PLCXD3: variants seen among roughly 807,000 people sequenced by gnomAD.
PLCXD3 encodes the protein phosphatidylinositol specific phospholipase C X domain containing 3, also known as PI-PLC X domain-containing protein 3.
In PLCXD3, 19 loss-of-function variants were observed where a neutral mutation model predicts 25.5. That is an observed-to-expected ratio of 0.75 (90% CI 0.52 to 1.09). The LOEUF is 1.09. Ranked by LOEUF, PLCXD3 falls within the 50% of genes least tolerant of loss-of-function variation. PLCXD3 has a pLI of 0.00. For synonymous variants in PLCXD3, 174 were observed against 137.6 expected, an observed-to-expected ratio of 1.26 and a Z score of -1.85; for missense variants, 411 against 388.1, an observed-to-expected ratio of 1.06 and a Z score of -0.50.
chr5:41,364,715 G>A (rs1349759840), intron 2 of PLCXD3, among the ~76,000 whole-genome samples: 1 of 152,138 alleles, frequency 6.6e-6, no homozygotes, highest in African/African-American at 2.4e-5. Context: ...AAGAGAAAAA[G>A]CAGTGCAAAG....
intron 1 of PLCXD3, among the ~76,000 whole-genome samples, chr5:41,383,036 C>T (rs965270703): frequency 6.6e-6 from 1 of 151,940 alleles, no homozygotes; most frequent in Non-Finnish European, 1.5e-5. Context: ...TCGGAAGGCA[C>T]AAGAGGTCAA....
At chr5:41,497,692 A>G (rs1748870680) in intron 1 of PLCXD3, among the ~76,000 whole-genome samples, 1 of 151,890 alleles carries the variant, frequency 6.6e-6, no homozygotes, top group African/African-American at 2.4e-5. Flanking sequence ...TAACAAACAT[A>G]TACAGAACAT....
intron 1 of PLCXD3, among the ~76,000 whole-genome samples, chr5:41,422,925 C>CTAGGTTAGGTAGTTGATAGATATACTTTA (rs1192355689): frequency 5.3e-5 from 8 of 151,972 alleles, no homozygotes; most frequent in Non-Finnish European, 1.2e-4. Flanking sequence ...AAATAGAATA[C>CTAGGTTAGGTAGTTGATAGATATACTTTA]TAGGTTAGGT....
rs373244601 is a variant in PLCXD3, at chr5:41,428,374, G to GTTTTTTTTTTTT, written c.104-45841_104-45840insAAAAAAAAAAAA. ...TAAAGAGGTGATTAAGTTAAAATGA[G>GTTTTTTTTTTTT]TTTTTTTGTTTTTGTTTTTGTTTTT... On this transcript the variant is annotated intron_variant, in intron 1 of 2. Transcript: ENST00000377801. Among the ~76,000 whole-genome samples, 5 of 91,596 alleles carry GTTTTTTTTTTTT rather than the reference G, an allele frequency of 5.5e-5. 1 individual carries two copies. Among genetic ancestry groups the GTTTTTTTTTTTT allele is most frequent in the Non-Finnish European group, 4.6e-5 (2 of 43,082 alleles). 60.1% of individuals were successfully genotyped at this position (91,596 alleles called of 152,430 possible). A position where few individuals can be genotyped will look rare whatever the true frequency, so the allele number is the denominator to read the frequency against.
chr5:41,507,398 C>A (rs931831859), intron 1 of PLCXD3, among the ~76,000 whole-genome samples: 1 of 152,146 alleles, frequency 6.6e-6, no homozygotes, highest in Non-Finnish European at 1.5e-5. Flanking sequence ...TGTGTCATTT[C>A]TTTAAAAAAT....
intron 2 of PLCXD3, among the ~76,000 whole-genome samples, chr5:41,334,981 C>A (rs1471863391): frequency 6.6e-6 from 1 of 152,084 alleles, no homozygotes; most frequent in Non-Finnish European, 1.5e-5. Flanking sequence ...ACAAAGAGAC[C>A]CTTCTGTATG....
At chr5:41,331,606 T>C (rs1384468433) in intron 2 of PLCXD3, among the ~76,000 whole-genome samples, 1 of 152,126 alleles carries the variant, frequency 6.6e-6, no homozygotes, top group Admixed American at 6.6e-5. Context: ...AAAGTTCATA[T>C]GGAACCAAAA....
intron 2 of PLCXD3, among the ~76,000 whole-genome samples, chr5:41,328,409 A>G (rs1743694229): frequency 6.6e-6 from 1 of 152,208 alleles, no homozygotes; most frequent in Non-Finnish European, 1.5e-5. Context: ...TTCCAAAGAC[A>G]GAAAAGAGGG....
rs1327067478 is a variant in PLCXD3 at position 41,313,405 on chromosome 5, T to C, written c.*212A>G. 4.0e-6 allele frequency: 2 copies of C among 500,524 alleles called. No homozygotes were observed. The highest frequency in any genetic ancestry group is 4.1e-5 in the African/African-American group (2 of 49,246). The allele number at this position is 500,524 out of a possible 1,614,324, so 31.0% of individuals were successfully genotyped here. A position where few individuals can be genotyped will look rare whatever the true frequency, so the allele number is the denominator to read the frequency against. Reference sequence around the variant, plus strand: ...TTTTATTCCTAACACTAGAAGTAGATTTTGCTCATCAAATGGGAAATGAAA... The same window carrying C: ...TTTTATTCCTAACACTAGAAGTAGACTTTGCTCATCAAATGGGAAATGAAA... On this transcript the variant is annotated 3_prime_UTR_variant, in exon 3 of 3. Transcript: ENST00000377801.
intron 1 of PLCXD3, among the ~76,000 whole-genome samples, chr5:41,445,194 G>A (rs578187531): frequency 2.6e-5 from 4 of 152,268 alleles, no homozygotes; most frequent in African/African-American, 9.6e-5. Context: ...TAAGGATCCT[G>A]CCAACTGAAT....
At chr5:41,476,589 G>T (rs2150521585) in intron 1 of PLCXD3, among the ~76,000 whole-genome samples, 1 of 152,248 alleles carries the variant, frequency 6.6e-6, no homozygotes, top group African/African-American at 2.4e-5. Context: ...GACTCCACTG[G>T]GAAAGGACTC....
intron 1 of PLCXD3, among the ~76,000 whole-genome samples, chr5:41,470,054 T>TG (rs1172554630): frequency 6.6e-6 from 1 of 152,142 alleles, no homozygotes; most frequent in Non-Finnish European, 1.5e-5. Flanking sequence ...GACCAGCAGC[T>TG]CTGTCCAGTG....
At chr5:41,458,434 T>C (rs1747803829) in intron 1 of PLCXD3, among the ~76,000 whole-genome samples, 1 of 151,914 alleles carries the variant, frequency 6.6e-6, no homozygotes, top group Non-Finnish European at 1.5e-5. Flanking sequence ...GAATAGGAGA[T>C]ATAAAAAGCC....
At chr5:41,400,374 G>T (rs544335937) in intron 1 of PLCXD3, among the ~76,000 whole-genome samples, 4 of 152,166 alleles carry the variant, frequency 2.6e-5, no homozygotes, top group African/African-American at 9.6e-5. Context: ...ATACTGAAGA[G>T]TTAGCTGAAT....
At chr5:41,373,909 A>G (rs1745201098) in intron 2 of PLCXD3, among the ~76,000 whole-genome samples, 1 of 152,122 alleles carries the variant, frequency 6.6e-6, no homozygotes, top group Non-Finnish European at 1.5e-5. Flanking sequence ...CTAGGGTCAA[A>G]CTAAGTAACA....
rs1164226235 is a variant in PLCXD3, at chr5:41,354,951, A to G, written c.812+26875T>C. On this transcript the variant is annotated intron_variant, in intron 2 of 2. Coordinates refer to ENST00000377801, the MANE Select transcript of PLCXD3 (RefSeq NM_001005473.3). The stretch of plus-strand genomic sequence containing the variant: ...ATCTTTTGCACTAATTCCAAATGCC[A>G]CATTACAGCACACAAAGCCACTTGA... Among the ~76,000 whole-genome samples, 3 of 152,224 alleles carry G rather than the reference A, an allele frequency of 2.0e-5. No individual in the cohort carries two copies. In the East Asian group the frequency reaches 5.8e-4, roughly 29 times the overall value.
chr5:41,406,266 G>A (rs901836216), intron 1 of PLCXD3, among the ~76,000 whole-genome samples: 5 of 151,830 alleles, frequency 3.3e-5, no homozygotes, highest in African/African-American at 1.2e-4. Context: ...TTTTCCTTGG[G>A]TGATATCATC....
intron 1 of PLCXD3, among the ~76,000 whole-genome samples, chr5:41,404,943 G>A (rs943760412): frequency 2.0e-5 from 3 of 152,086 alleles, no homozygotes; most frequent in Non-Finnish European, 2.9e-5. Context: ...GTTAAGATAA[G>A]AACTGCTTCT....
At chr5:41,458,939 A>T (rs998832527) in intron 1 of PLCXD3, among the ~76,000 whole-genome samples, 2 of 151,940 alleles carry the variant, frequency 1.3e-5, no homozygotes, top group Non-Finnish European at 2.9e-5. Flanking sequence ...TAAGAGATAC[A>T]TTTATTTTTC....
Sources: allele counts gnomAD v4.1 joint callset (sites outside exome capture counted in the v4.1 genomes callset), GRCh38; gene constraint gnomAD v4.1.1; transcripts MANE v1.5; gene names NCBI Gene and HGNC (gene_info 2026-07-23, HGNC 2026-07-21).